The following GRID1 variants were observed in gnomAD, a reference collection of about 807,000 sequenced individuals.
The protein encoded by GRID1 is glutamate receptor ionotropic, delta-1.
Under a neutral mutation model 98.0 loss-of-function variants are expected in GRID1, and 28 were observed. The observed-to-expected ratio is 0.29, with a 90% CI of 0.21 to 0.39. The LOEUF is 0.39. GRID1 is among the 10% of genes least tolerant of loss of function. The pLI is 1.00. For missense variants in GRID1, 1,111 were observed against 1,340.5 expected (o/e 0.83, Z 2.67); for synonymous variants, 553 against 538.5 (o/e 1.03, Z -0.37).
chr10:86,288,228 C>T (rs1307561120), intron 2 of GRID1, among the ~76,000 whole-genome samples: 2 of 152,196 alleles, frequency 1.3e-5, no homozygotes, highest in Admixed American at 1.3e-4. Context: ...CAGCGAACAC[C>T]AAGAGTCCCT....
intron 5 of GRID1, among the ~76,000 whole-genome samples, chr10:85,881,960 A>G (rs34916498): frequency 3.3e-5 from 5 of 152,196 alleles, no homozygotes; most frequent in Non-Finnish European, 2.9e-5. Context: ...AAAAGTGGGC[A>G]AAGGATATGA....
At chr10:86,057,083 C>A (rs1042098839) in intron 4 of GRID1, among the ~76,000 whole-genome samples, 8 of 152,176 alleles carry the variant, frequency 5.3e-5, no homozygotes, top group Non-Finnish European at 1.2e-4. Flanking sequence ...TGGTCCTGGC[C>A]CTCGAGAACC....
chr10:85,983,607 AC>A (rs1842572395), intron 4 of GRID1, among the ~76,000 whole-genome samples: 2 of 152,162 alleles, frequency 1.3e-5, no homozygotes, highest in African/African-American at 4.8e-5. Context: ...TCCTTCTGAG[AC>A]CACCCACAAG....
intron 4 of GRID1, among the ~76,000 whole-genome samples, chr10:85,991,125 G>A (rs1816942182): frequency 6.6e-6 from 1 of 152,180 alleles, no homozygotes; most frequent in Non-Finnish European, 1.5e-5. Flanking sequence ...GATGCCCAGA[G>A]TTGCCTGATT....
chr10:85,973,059 G>A (rs773053772), intron 4 of GRID1, among the ~76,000 whole-genome samples: 18 of 152,212 alleles, frequency 1.2e-4, no homozygotes, highest in Non-Finnish European at 2.1e-4. Flanking sequence ...ACAGAGCAAG[G>A]TGGCACCACG....
intron 8 of GRID1, among the ~76,000 whole-genome samples, chr10:85,842,540 A>G (rs897789622): frequency 6.6e-6 from 1 of 152,104 alleles, no homozygotes; most frequent in East Asian, 1.9e-4. Context: ...AAGAAAAGAC[A>G]AATCACAAAT....
chr10:86,344,887 A>G (rs2132112415), intron 2 of GRID1, among the ~76,000 whole-genome samples: 1 of 152,292 alleles, frequency 6.6e-6, no homozygotes, highest in Admixed American at 6.5e-5. Context: ...TGCTGCACAA[A>G]CCTGGAATAC....
At chr10:85,817,676 G>A (rs1213067644) in intron 8 of GRID1, among the ~76,000 whole-genome samples, 1 of 152,064 alleles carries the variant, frequency 6.6e-6, no homozygotes, top group East Asian at 1.9e-4. Flanking sequence ...GATGGATCAC[G>A]AGGTCAAGAG....
chr10:85,857,479 T>C (rs1375367454), intron 6 of GRID1, among the ~76,000 whole-genome samples: 3 of 152,002 alleles, frequency 2.0e-5, no homozygotes, highest in Middle Eastern at 3.4e-3. Flanking sequence ...GAAGGACAGC[T>C]CTGTTCTCGG....
intron 8 of GRID1, among the ~76,000 whole-genome samples, chr10:85,776,163 G>A (rs528190682): frequency 6.6e-6 from 1 of 152,260 alleles, no homozygotes; most frequent in South Asian, 2.1e-4. Flanking sequence ...CTTGCCTGCT[G>A]GAGGAAATGG....
intron 3 of GRID1, among the ~76,000 whole-genome samples, chr10:86,176,981 G>A (rs146672509): frequency 6.6e-6 from 1 of 152,228 alleles, no homozygotes; most frequent in East Asian, 1.9e-4. Flanking sequence ...AGATCTGGAG[G>A]AGAAATGGTG....
chr10:86,284,053 C>A, intron 2 of GRID1, among the ~76,000 whole-genome samples: 1 of 150,588 alleles, frequency 6.6e-6, no homozygotes, highest in Non-Finnish European at 1.5e-5. Context: ...CATACACACA[C>A]CTGCATATAC....
chr10:85,888,228 T>C (rs1349416123), intron 5 of GRID1, among the ~76,000 whole-genome samples: 1 of 152,244 alleles, frequency 6.6e-6, no homozygotes, highest in African/African-American at 2.4e-5. Flanking sequence ...ATACTCTGGC[T>C]GCCCAGCATT....
chr10:85,942,459 C>T (rs1014733650), intron 4 of GRID1, among the ~76,000 whole-genome samples: 2 of 152,184 alleles, frequency 1.3e-5, no homozygotes, highest in Non-Finnish European at 2.9e-5. Flanking sequence ...GGGGGATCCC[C>T]ACCCTAAAGA....
intron 4 of GRID1, among the ~76,000 whole-genome samples, chr10:86,092,603 C>G (rs1467404643): frequency 6.6e-6 from 1 of 152,144 alleles, no homozygotes; most frequent in Admixed American, 6.5e-5. Flanking sequence ...TCAGACAAAA[C>G]AAGCTTTAAA....
intron 2 of GRID1, among the ~76,000 whole-genome samples, chr10:86,264,981 C>T (rs1311117401): frequency 1.3e-5 from 2 of 152,258 alleles, no homozygotes; most frequent in Non-Finnish European, 2.9e-5. Context: ...CAAGCAGGAG[C>T]TGCACTTGCC....
intron 7 of GRID1, among the ~76,000 whole-genome samples, chr10:85,854,989 T>C (rs969465191): frequency 1.3e-5 from 2 of 152,182 alleles, no homozygotes; most frequent in African/African-American, 4.8e-5. Flanking sequence ...CACCTTAGCC[T>C]AACCCAAGAG....
chr10:86,326,700 T>C (rs1848055666), intron 2 of GRID1, among the ~76,000 whole-genome samples: 1 of 152,124 alleles, frequency 6.6e-6, no homozygotes, highest in African/African-American at 2.4e-5. Context: ...TGAAGTCCCA[T>C]GGATGCACAT....
At chr10:86,127,702 C>A (rs904119097) in intron 4 of GRID1, among the ~76,000 whole-genome samples, 7 of 152,154 alleles carry the variant, frequency 4.6e-5, no homozygotes, top group Admixed American at 4.6e-4. Context: ...ACCCGAGGTG[C>A]ACCCCACATC....
Sources: gnomAD v4.1 joint callset for allele counts (sites outside exome capture counted in the v4.1 genomes callset) on GRCh38, gnomAD v4.1.1 for gene constraint, MANE v1.5 for transcripts, NCBI Gene and HGNC (gene_info 2026-07-23, HGNC 2026-07-21) for gene names.